Variants in CDKN2B observed in about 807,000 individuals in gnomAD.
The protein encoded by CDKN2B is cyclin dependent kinase inhibitor 2B, also known as cyclin-dependent kinase 4 inhibitor B.
Under a neutral mutation model 7.7 loss-of-function variants are expected in CDKN2B, and 8 were observed. The observed-to-expected ratio is 1.04, with a 90% CI of 0.61 to 1.87. The LOEUF (loss-of-function observed/expected upper bound fraction) is 1.87. Ranked by LOEUF, CDKN2B falls within the 40% of genes most tolerant of loss-of-function variation. The pLI is 0.00. For synonymous variants in CDKN2B, 93 were observed against 95.8 expected (o/e 0.97, Z 0.17); for missense variants, 244 against 213.1 (o/e 1.15, Z -0.90).
At chr9:22,008,446 C>A (rs992502948) in intron 1 of CDKN2B, among the ~76,000 whole-genome samples, 3 of 152,138 alleles carry the variant, frequency 2.0e-5, no homozygotes, top group African/African-American at 4.8e-5. Context: ...GAATGCGTAA[C>A]TTATACTTTA....
Position 22,008,959 on chromosome 9 carries a change from A to G in CDKN2B, c.-6T>C, listed in dbSNP as rs369397388. On this transcript the variant is annotated 5_prime_UTR_variant, in exon 1 of 2. Transcript: ENST00000276925. ...CCCTTGTTCTCCTCGCGCATTCCGC[A>G]GCCCCCAGACGCGCAGCGGCCCGGA... 56 of 1,613,008 alleles carry G rather than the reference A, an allele frequency of 3.5e-5. No individual in the cohort carries two copies. Among genetic ancestry groups the G allele is most frequent in the Non-Finnish European group, 4.6e-5 (54 of 1,179,956 alleles).
At position 22,005,134 on chromosome 9, in the gene CDKN2B, G is replaced by C. The variant is rs190793848; in HGVS notation, c.*853C>G. Reference sequence around the variant, plus strand: ...AGCATGTGTGTGTGTGTGTGTGTGTGTGTGTGTGAAAGAAAACGTTACAGT... The same window carrying C: ...AGCATGTGTGTGTGTGTGTGTGTGTCTGTGTGTGAAAGAAAACGTTACAGT... On this transcript the variant is annotated 3_prime_UTR_variant, in exon 2 of 2. Transcript: ENST00000276925. The surrounding 1 kb of genome is among the most constrained non-coding windows in gnomAD (Gnocchi z 4.9). 4.3e-6 allele frequency: 1 copy of C among 233,180 alleles called. No homozygotes were observed. Among genetic ancestry groups the C allele is most frequent in the African/African-American group, 2.2e-5 (1 of 45,264 alleles). 14.4% of individuals were successfully genotyped at this position (233,180 alleles called of 1,614,324 possible).
chr9:22,008,832 T>A lies in CDKN2B; in HGVS notation c.122A>T (p.Asn41Ile), dbSNP rs375443156. 6 of 1,608,630 alleles carry A rather than the reference T, an allele frequency of 3.7e-6. No homozygotes were observed. The African/African-American group carries it at 8.0e-5, about 21-fold the overall frequency. ...GCGCCTCCCGAAACGGTTGACTCCG[T>A]TGGGATCCGCGCCGGCTTCCAGGAG... ...RQLLEAGADP[N>I]GVNRFGRRAI... Residue 41 changes from asparagine to isoleucine, a missense_variant, in exon 1 of 2, where the codon AAC (asparagine) becomes ATC (isoleucine). Physicochemically the swap from Asn to Ile is moderately radical, Grantham distance 149. Coordinates refer to ENST00000276925, the MANE Select transcript of CDKN2B (RefSeq NM_004936.4).
intron 1 of CDKN2B, among the ~76,000 whole-genome samples, chr9:22,007,416 G>T (rs1356396792): frequency 6.6e-6 from 1 of 152,078 alleles, no homozygotes; most frequent in Non-Finnish European, 1.5e-5. Context: ...AGTCAATCAG[G>T]ATGATGCATA....
In CDKN2B at chr9:22,004,566, T is replaced by A. The variant is rs1821075303; in HGVS notation, c.*1421A>T. On this transcript the variant is annotated 3_prime_UTR_variant, in exon 2 of 2. Transcript: ENST00000276925. ...AACCAAATTACCCACCTCTTGGAGT[T>A]CAATCTCTGTTAATTCTTTATTAAA... The A allele has an allele frequency of 8.6e-6, 2 of 232,354 alleles. No individual in the cohort carries two copies. The highest frequency in any genetic ancestry group is 1.7e-5 in the Non-Finnish European group (2 of 117,606). 14.4% of individuals were successfully genotyped at this position (232,354 alleles called of 1,614,324 possible).
rs1041230196 is a variant in CDKN2B at position 22,005,870 on chromosome 9, T to G, written c.*117A>C. ...CCTTCCTGTGAGTCTCAGACAGGCT[T>G]GCAGGCTTACAGGCTTTCCGCCGCT... On this transcript the variant is annotated 3_prime_UTR_variant, in exon 2 of 2. Transcript: ENST00000276925. The surrounding 1 kb of genome is among the most constrained non-coding windows in gnomAD (Gnocchi z 4.9). 4 of 1,378,048 alleles carry G rather than the reference T, an allele frequency of 2.9e-6. No individual in the cohort carries two copies. The highest frequency in any genetic ancestry group is 2.0e-5 in the Admixed American group (1 of 50,858). The allele number at this position is 1,378,048 out of a possible 1,614,324, so 85.4% of individuals were successfully genotyped here.
At chr9:22,008,765 C>A in intron 1 of CDKN2B, 33 bp downstream of exon 1, 2 of 1,609,748 alleles carry the variant, frequency 1.2e-6, no homozygotes, top group Non-Finnish European at 1.7e-6. Flanking sequence ...GTTCGCGCGC[C>A]CCCTGCCGGC....
In CDKN2B at chr9:22,003,969, A is replaced by G. The variant is rs900557006; in HGVS notation, c.*2018T>C. The G allele has an allele frequency of 4.3e-6, 1 of 232,580 alleles. No homozygotes were observed. Among genetic ancestry groups the G allele is most frequent in the African/African-American group, 2.2e-5 (1 of 45,314 alleles). 14.4% of individuals were successfully genotyped at this position (232,580 alleles called of 1,614,324 possible). On this transcript the variant is annotated 3_prime_UTR_variant, in exon 2 of 2. Coordinates refer to ENST00000276925, the MANE Select transcript of CDKN2B (RefSeq NM_004936.4). Reference sequence around the variant, plus strand: ...TGGGAAGAAAAGCAAGACAACCATAATCAGCTGTGGAACTAGATGCACTTC... The same window carrying G: ...TGGGAAGAAAAGCAAGACAACCATAGTCAGCTGTGGAACTAGATGCACTTC...
At position 22,008,793 on chromosome 9, in the gene CDKN2B, G is replaced by C. The variant is rs1199339082; in HGVS notation, c.156+5C>G. 1.2e-6 allele frequency: 2 copies of C among 1,606,682 alleles called. No individual in the cohort carries two copies. The highest frequency in any genetic ancestry group is 1.7e-6 in the Non-Finnish European group (2 of 1,176,406). On this transcript the variant is annotated splice_donor_5th_base_variant and intron_variant, in intron 1 of 1. Coordinates refer to ENST00000276925, the MANE Select transcript of CDKN2B (RefSeq NM_004936.4). Reference sequence around the variant, plus strand: ...CTGCCGGCGAGGCCCTGGGGCCCCAGCTACCTGGATCGCGCGCCTCCCGAA... The same window carrying C: ...CTGCCGGCGAGGCCCTGGGGCCCCACCTACCTGGATCGCGCGCCTCCCGAA...
At position 22,005,803 on chromosome 9, in the gene CDKN2B, C is replaced by G; in HGVS notation, c.*184G>C. 2.7e-6 allele frequency: 2 copies of G among 748,612 alleles called. No homozygotes were observed. Among genetic ancestry groups the G allele is most frequent in the Non-Finnish European group, 4.4e-6 (2 of 457,572 alleles). 46.4% of individuals were successfully genotyped at this position (748,612 alleles called of 1,614,324 possible). On this transcript the variant is annotated 3_prime_UTR_variant, in exon 2 of 2. Transcript: ENST00000276925. The surrounding 1 kb of genome is among the most constrained non-coding windows in gnomAD (Gnocchi z 4.9). ...GGTGAGTGTCGAGGGCCAGATAAGA[C>G]AAAGAAAAAAATGTATGGAAGGTTA...
At chr9:22,007,022 T>C (rs562227591) in intron 1 of CDKN2B, among the ~76,000 whole-genome samples, 35 of 152,318 alleles carry the variant, frequency 2.3e-4, no homozygotes, top group Non-Finnish European at 1.3e-4. Context: ...GATTTTATAA[T>C]AGCTAAGATT....
intron 1 of CDKN2B, among the ~76,000 whole-genome samples, chr9:22,007,968 T>C (rs1331267721): frequency 6.6e-6 from 1 of 152,140 alleles, no homozygotes; most frequent in African/African-American, 2.4e-5. Flanking sequence ...TAGAGGGTGA[T>C]AGTGAGGTGA....
rs3217993 is a variant in CDKN2B at position 22,003,170 on chromosome 9, A to G, written c.*2817T>C. On this transcript the variant is annotated 3_prime_UTR_variant, in exon 2 of 2. Coordinates refer to ENST00000276925, the MANE Select transcript of CDKN2B (RefSeq NM_004936.4). The stretch of plus-strand genomic sequence containing the variant: ...GATGAAACAGCTAAACCTGTCTGCC[A>G]GGTGGCTTCGAAAATGGAATTAATT... 20 of 216,826 alleles carry G rather than the reference A, an allele frequency of 9.2e-5. No individual in the cohort carries two copies. The highest frequency in any genetic ancestry group is 5.8e-4 in the Admixed American group (10 of 17,220). The allele number at this position is 216,826 out of a possible 1,614,324, so 13.4% of individuals were successfully genotyped here. A position where few individuals can be genotyped will look rare whatever the true frequency, so the allele number is the denominator to read the frequency against.
Position 22,006,067 on chromosome 9 carries a change from C to A in CDKN2B, c.337G>T (p.Gly113Cys). The stretch of plus-strand genomic sequence containing the variant: ...TCGGCCAAGTCCACGGGCAGACGAC[C>A]CCAGGCATCGCGCACGTCCAGCCGC... ...GARLDVRDAW[G>C]RLPVDLAEER... Residue 113 changes from glycine (G) to cysteine (C), a missense_variant, in exon 2 of 2, where the codon GGT becomes TGT. Physicochemically the swap from Gly to Cys is radical, Grantham distance 159 (BLOSUM62 -3). Transcript: ENST00000276925. The surrounding 1 kb of genome is among the most constrained non-coding windows in gnomAD (Gnocchi z 6.4). 1 of 1,606,434 alleles carries A rather than the reference C, an allele frequency of 6.2e-7. No individual in the cohort carries two copies. Among genetic ancestry groups the A allele is most frequent in the Non-Finnish European group, 8.5e-7 (1 of 1,179,670 alleles).
Position 22,009,251 on chromosome 9 carries a change from G to A in CDKN2B, c.-298C>T. 3 of 546,472 alleles carry A rather than the reference G, an allele frequency of 5.5e-6. No homozygotes were observed. The South Asian group carries it at 6.1e-5, about 11-fold the overall frequency. The allele number at this position is 546,472 out of a possible 1,614,324, so 33.9% of individuals were successfully genotyped here. ...AGCCGAGCTCAAAGCCGCTCTGGCC[G>A]CAGGGTGCGGACGCGTCGCGGAGTC... On this transcript the variant is annotated 5_prime_UTR_variant, in exon 1 of 2. Transcript: ENST00000276925.
At position 22,006,288 on chromosome 9, in the gene CDKN2B, A is replaced by T. The variant is rs1821185876; in HGVS notation, c.157-41T>A. ...GAGTGGTCAGAGCCAGGGTGGGGGC[A>T]GGTATGGGAGATGCCGGCCGGGGCA... On this transcript the variant is annotated intron_variant, in intron 1 of 1. Coordinates refer to ENST00000276925, the MANE Select transcript of CDKN2B (RefSeq NM_004936.4). The surrounding 1 kb of genome is among the most constrained non-coding windows in gnomAD (Gnocchi z 6.4). 13 of 1,599,182 alleles carry T rather than the reference A, an allele frequency of 8.1e-6. No homozygotes were observed. The highest frequency in any genetic ancestry group is 1.0e-5 in the Non-Finnish European group (12 of 1,179,672).
intron 1 of CDKN2B, 61 bp downstream of exon 1, chr9:22,008,737 G>T: frequency 1.2e-6 from 2 of 1,610,586 alleles, no homozygotes; most frequent in African/African-American, 1.3e-5. Context: ...GCCCCGATCC[G>T]CCGAGGCCGC....
chr9:22,007,814 T>A (rs1239824538), intron 1 of CDKN2B, among the ~76,000 whole-genome samples: 1 of 152,170 alleles, frequency 6.6e-6, no homozygotes, highest in Admixed American at 6.5e-5. Flanking sequence ...AATAAAATTT[T>A]AAGTTTTTAA....
rs771954435 is a variant in CDKN2B, at chr9:22,006,023, G to A, written c.381C>T (p.Asp127=). 4.4e-6 allele frequency: 7 copies of A among 1,603,930 alleles called. No individual in the cohort carries two copies. The East Asian group carries it at 1.6e-4, about 36-fold the overall frequency. ...VDLAEERGHR[D]VAGYLRTATG... ...TGGCTGTGCGCAGGTACCCTGCAACGTCGCGGTGGCCCCGCTCCTCGGCCA... is the reference window on the plus strand; with the variant it reads ...TGGCTGTGCGCAGGTACCCTGCAACATCGCGGTGGCCCCGCTCCTCGGCCA... The change falls in exon 2 of 2, where the codon GAC becomes GAT. Residue 127 remains aspartate, a synonymous_variant. Transcript: ENST00000276925. This position sits in a 1 kb window ranked among gnomAD's most constrained non-coding sequence, Gnocchi z 6.4.
Sources: gnomAD v4.1 joint callset for allele counts (sites outside exome capture counted in the v4.1 genomes callset) on GRCh38, gnomAD v4.1.1 for gene constraint, Gnocchi (gnomAD v3.1) non-coding constraint, MANE v1.5 for transcripts, NCBI Gene and HGNC (gene_info 2026-07-23, HGNC 2026-07-21) for gene names.